The following HDX variants were observed in gnomAD, a reference collection of about 807,000 sequenced individuals.
The protein encoded by HDX is chromosome X open reading frame 43.
In HDX, 19 loss-of-function variants were observed where a neutral mutation model predicts 45.2. The ratio of observed to expected loss-of-function variants is 0.42; its 90% CI spans 0.29 to 0.62. The LOEUF is 0.62. Among genes scored for constraint, HDX ranks in the 20% least tolerant of loss-of-function variants. The pLI, the probability that HDX is intolerant of heterozygous loss-of-function variation, is 0.20. For missense variants in HDX, 532 were observed against 493.9 expected (o/e 1.08, Z -0.73); for synonymous variants, 188 against 172.8 (o/e 1.09, Z -0.69).
intron 5 of HDX, among the ~76,000 whole-genome samples, chrX:84,432,333 C>T (rs1248595159): frequency 1.8e-5 from 2 of 111,639 alleles, no homozygotes; most frequent in Non-Finnish European, 3.8e-5. Flanking sequence ...TTTTTGGTTC[C>T]ATACAAATGT....
intron 9 of HDX, among the ~76,000 whole-genome samples, chrX:84,331,913 C>T: frequency 9.0e-6 from 1 of 111,455 alleles, no homozygotes; most frequent in Admixed American, 9.6e-5. Flanking sequence ...TGATGTTTTG[C>T]ACAATGACAA....
chrX:84,365,577 T>C lies in HDX; in HGVS notation c.1306-3965A>G, dbSNP rs151312002. Among the ~76,000 whole-genome samples the C allele has an allele frequency of 1.6e-3, 183 of 111,724 alleles. 1 individual carries two copies. The highest frequency in any genetic ancestry group is 2.4e-3 in the Non-Finnish European group (126 of 53,172). ...GGCTTGTTTGAATCATTCTGTGGACTAGCAGGGAACTGAGGGACTCAGAAA... is the reference window on the plus strand; with the variant it reads ...GGCTTGTTTGAATCATTCTGTGGACCAGCAGGGAACTGAGGGACTCAGAAA... On this transcript the variant is annotated intron_variant, in intron 5 of 10. Coordinates refer to ENST00000373177, the MANE Select transcript of HDX (RefSeq NM_001177479.2).
intron 5 of HDX, among the ~76,000 whole-genome samples, chrX:84,436,335 G>A (rs368509983): frequency 8.7e-5 from 9 of 103,825 alleles, no homozygotes; most frequent in Non-Finnish European, 1.6e-4. Context: ...GCTAGATGAC[G>A]CGTTAATGGG....
At chrX:84,427,088 A>G (rs2039400081) in intron 5 of HDX, among the ~76,000 whole-genome samples, 1 of 110,770 alleles carries the variant, frequency 9.0e-6, no homozygotes, top group African/African-American at 3.3e-5. Flanking sequence ...CAGAATTTAT[A>G]AAAAATATTA....
intron 1 of HDX, among the ~76,000 whole-genome samples, chrX:84,490,179 T>C (rs1000150821): frequency 9.0e-6 from 1 of 111,508 alleles, no homozygotes; most frequent in Non-Finnish European, 1.9e-5. Context: ...CTCCTTTTTT[T>C]TTCTCTTAAG....
At chrX:84,387,967 T>G (rs1164186118) in intron 5 of HDX, among the ~76,000 whole-genome samples, 1 of 112,429 alleles carries the variant, frequency 8.9e-6, no homozygotes, top group Non-Finnish European at 1.9e-5. Flanking sequence ...TAGCACTAAC[T>G]TAACAACCTC....
At chrX:84,464,081 G>A (rs1287467276) in intron 4 of HDX, among the ~76,000 whole-genome samples, 1 of 111,222 alleles carries the variant, frequency 9.0e-6, no homozygotes, top group Non-Finnish European at 1.9e-5. Context: ...TTCAGCATGA[G>A]AAACTCAAGA....
intron 5 of HDX, among the ~76,000 whole-genome samples, chrX:84,432,662 G>A (rs767463537): frequency 7.2e-5 from 8 of 110,887 alleles, no homozygotes; most frequent in Non-Finnish European, 1.5e-4. Flanking sequence ...ATTGATTTTT[G>A]TACACTGCTT....
chrX:84,478,924 C>T (rs146543133), intron 2 of HDX, among the ~76,000 whole-genome samples: 1,157 of 111,600 alleles, frequency 0.01, 23 homozygotes, highest in African/African-American at 0.037. Flanking sequence ...TCAAATATAA[C>T]GCATTCTTTC....
intron 5 of HDX, among the ~76,000 whole-genome samples, chrX:84,384,202 C>A (rs1186452867): frequency 9.0e-6 from 1 of 111,199 alleles, no homozygotes; most frequent in African/African-American, 3.3e-5. Flanking sequence ...TGCAACCTTG[C>A]CAGTATTTGT....
At position 84,497,301 on chromosome X, in the gene HDX, C is replaced by A. The variant is rs142937511; in HGVS notation, c.-110+5041G>T. ...AAAGGGCAAAGCTATTTTGAAAATG[C>A]ATCTCAGATAATTACTTTCTTAAAT... On this transcript the variant is annotated intron_variant, in intron 1 of 10. Coordinates refer to ENST00000373177, the MANE Select transcript of HDX (RefSeq NM_001177479.2). Among the ~76,000 whole-genome samples the A allele has an allele frequency of 9.0e-3, 1,014 of 112,083 alleles. 13 individuals carry two copies. The highest frequency in any genetic ancestry group is 0.032 in the African/African-American group (973 of 30,862).
At chrX:84,436,058 G>A (rs2039623573) in intron 5 of HDX, among the ~76,000 whole-genome samples, 1 of 88,497 alleles carries the variant, frequency 1.1e-5, no homozygotes, top group Non-Finnish European at 2.2e-5. Flanking sequence ...ACTGGATTAA[G>A]AAAATGTGGC....
chrX:84,384,125 AG>A (rs2147912491), intron 5 of HDX, among the ~76,000 whole-genome samples: 1 of 111,670 alleles, frequency 9.0e-6, no homozygotes, highest in Non-Finnish European at 1.9e-5. Flanking sequence ...AACTCTCCAA[AG>A]GGCTTTCTAC....
At chrX:84,446,949 G>A (rs1483227658) in intron 4 of HDX, among the ~76,000 whole-genome samples, 1 of 111,658 alleles carries the variant, frequency 9.0e-6, no homozygotes, top group African/African-American at 3.3e-5. Flanking sequence ...GGGTCTGCCT[G>A]AGGAATTTGT....
intron 3 of HDX, among the ~76,000 whole-genome samples, chrX:84,471,452 T>A (rs1034575869): frequency 2.8e-5 from 3 of 107,587 alleles, no homozygotes; most frequent in African/African-American, 1.0e-4. Flanking sequence ...TATATATATA[T>A]AAACTCCTTT....
chrX:84,501,560 C>T (rs2041118665), intron 1 of HDX: 1 of 112,331 alleles, frequency 8.9e-6, no homozygotes, highest in African/African-American at 3.2e-5. Flanking sequence ...GTTTATTTTT[C>T]CAAACAGTTT....
intron 4 of HDX, among the ~76,000 whole-genome samples, chrX:84,448,784 A>T (rs2039932133): frequency 9.0e-6 from 1 of 111,251 alleles, no homozygotes; most frequent in Admixed American, 9.6e-5. Context: ...TTATTCAGCA[A>T]CAGATTATAT....
rs189860004 is a variant in HDX, at chrX:84,420,895, C to A, written c.1305+19637G>T. On this transcript the variant is annotated intron_variant, in intron 5 of 10. Coordinates refer to ENST00000373177, the MANE Select transcript of HDX (RefSeq NM_001177479.2). ...ACAAACAAACAACAACAACAAAAAA[C>A]TTTTAACCTGGAATAGTATCTCTAG... is the stretch of plus-strand genomic sequence containing the variant. Among the ~76,000 whole-genome samples the A allele has an allele frequency of 4.2e-3, 465 of 111,845 alleles. 3 individuals carry two copies. Among genetic ancestry groups the A allele is most frequent in the African/African-American group, 0.014 (436 of 30,906 alleles).
intron 5 of HDX, among the ~76,000 whole-genome samples, chrX:84,420,401 G>C (rs1468470057): frequency 9.0e-6 from 1 of 110,592 alleles, no homozygotes; most frequent in Non-Finnish European, 1.9e-5. Context: ...GAAATAACTA[G>C]TGAGTATGAA....
Sources: allele counts gnomAD v4.1 joint callset (sites outside exome capture counted in the v4.1 genomes callset), GRCh38; gene constraint gnomAD v4.1.1; transcripts MANE v1.5; gene names NCBI Gene and HGNC (gene_info 2026-07-23, HGNC 2026-07-21).